The following TXLNB variants were observed in gnomAD, a reference collection of about 807,000 sequenced individuals.
TXLNB encodes beta-taxilin.
TXLNB carries 37 observed loss-of-function variants against 57.4 expected under a neutral mutation model. The ratio of observed to expected loss-of-function variants is 0.64; its 90% CI spans 0.50 to 0.85. TXLNB has a LOEUF of 0.85. TXLNB is among the 40% of genes least tolerant of loss of function. TXLNB has a pLI of 0.00. For synonymous variants in TXLNB, 302 were observed against 309.6 expected (o/e 0.98, Z 0.26); for missense variants, 848 against 825.6 (o/e 1.03, Z -0.33).
the TXLNB span, among the ~76,000 whole-genome samples, chr6:139,220,999 C>T: frequency 6.6e-6 from 1 of 152,064 alleles, no homozygotes; most frequent in Admixed American, 6.6e-5. Flanking sequence ...AACCCTGCAT[C>T]CAAGAACTAG....
the TXLNB span, among the ~76,000 whole-genome samples, chr6:139,168,496 AT>A: frequency 1.5e-4 from 22 of 149,920 alleles, no homozygotes; most frequent in East Asian, 4.1e-3. Flanking sequence ...TTTCAAAGAC[AT>A]TTCCACATAC....
At chr6:139,191,363 G>A in the TXLNB span, among the ~76,000 whole-genome samples, 3 of 152,150 alleles carry the variant, frequency 2.0e-5, no homozygotes, top group African/African-American at 4.8e-5. Flanking sequence ...AGGTTGCGGT[G>A]AGCCGAGATT....
rs765104697 is a variant in TXLNB at position 139,288,702 on chromosome 6, G to A, written c.198C>T (p.Ile66=). 4 of 1,614,038 alleles carry A rather than the reference G, an allele frequency of 2.5e-6. No homozygotes were observed. Among genetic ancestry groups the A allele is most frequent in the Non-Finnish European group, 3.4e-6 (4 of 1,180,038 alleles). Residue 66 remains isoleucine (I), a synonymous_variant, in exon 2 of 10, where the codon ATC becomes ATT. Transcript: ENST00000358430. ...SEELNRQLED[I]INTYGSAAST... ...TGGCAGCAGACCCATAAGTGTTAAT[G>A]ATGTCTTCCAGCTGTCGATTCAGCT...
the TXLNB span, chr6:139,234,105 C>T: frequency 1.3e-5 from 2 of 152,112 alleles, no homozygotes; most frequent in African/African-American, 4.8e-5. Flanking sequence ...GAACTTTGAA[C>T]TTCAGAGAGA....
chr6:139,243,922 C>T (rs1479418142), intron 9 of TXLNB, among the ~76,000 whole-genome samples: 2 of 152,312 alleles, frequency 1.3e-5, no homozygotes, highest in East Asian at 3.9e-4. Context: ...TCTATTTGTG[C>T]ATGAAAATGT....
chr6:139,211,425 T>C, the TXLNB span, among the ~76,000 whole-genome samples: 2 of 152,166 alleles, frequency 1.3e-5, no homozygotes, highest in Non-Finnish European at 2.9e-5. Flanking sequence ...GGATCCTGAC[T>C]GTTAGAAGGA....
chr6:139,272,048 C>T (rs1283687574), intron 3 of TXLNB, among the ~76,000 whole-genome samples: 1 of 152,148 alleles, frequency 6.6e-6, no homozygotes, highest in East Asian at 1.9e-4. Flanking sequence ...GTGGCTCATG[C>T]CTGTAATCCC....
intron 3 of TXLNB, chr6:139,271,562 A>G (rs1776764694): frequency 6.6e-6 from 1 of 152,226 alleles, no homozygotes; most frequent in Non-Finnish European, 1.5e-5. Context: ...AAGTATTAAT[A>G]TATTCCAAAT....
the TXLNB span, among the ~76,000 whole-genome samples, chr6:139,305,771 A>C: frequency 6.6e-6 from 1 of 152,228 alleles, no homozygotes; most frequent in Non-Finnish European, 1.5e-5. Flanking sequence ...CATAATAACT[A>C]TAAGTAGACT....
chr6:139,208,715 G>T, the TXLNB span, among the ~76,000 whole-genome samples: 1 of 152,132 alleles, frequency 6.6e-6, no homozygotes, highest in East Asian at 1.9e-4. Flanking sequence ...AATAGATACA[G>T]GAAAGCATTT....
the TXLNB span, chr6:139,159,368 T>A: frequency 1.3e-5 from 2 of 152,338 alleles, no homozygotes; most frequent in African/African-American, 4.8e-5. Flanking sequence ...TAAAACAGTT[T>A]TGAAACCTTA....
the TXLNB span, chr6:139,174,542 A>T: frequency 1.2e-6 from 2 of 1,613,900 alleles, no homozygotes; most frequent in African/African-American, 1.3e-5. Flanking sequence ...GTTGTCAGGT[A>T]GGTACTGAAC....
the TXLNB span, among the ~76,000 whole-genome samples, chr6:139,227,693 T>A: frequency 6.6e-6 from 1 of 152,200 alleles, no homozygotes. Flanking sequence ...TAGATCACTA[T>A]ATGACAATGA....
chr6:139,167,198 G>A, the TXLNB span: 4 of 1,614,180 alleles, frequency 2.5e-6, no homozygotes, highest in African/African-American at 1.3e-5. Context: ...CAGAAACGTG[G>A]TAAACTGTGC....
intron 2 of TXLNB, among the ~76,000 whole-genome samples, chr6:139,279,503 A>T (rs1776989651): frequency 6.6e-6 from 1 of 152,208 alleles, no homozygotes; most frequent in South Asian, 2.1e-4. Flanking sequence ...AAAATCCAGG[A>T]AACTGGAGAT....
At chr6:139,296,313 G>A (rs1383452494), upstream of TXLNB, among the ~76,000 whole-genome samples, 1 of 151,948 alleles carries the variant, frequency 6.6e-6, no homozygotes, top group African/African-American at 2.4e-5. Context: ...TAACCTTTTA[G>A]GTTGAAAATA....
the TXLNB span, among the ~76,000 whole-genome samples, chr6:139,172,719 C>T: frequency 2.6e-5 from 4 of 152,200 alleles, no homozygotes; most frequent in African/African-American, 9.6e-5. Context: ...GTTACGGATC[C>T]GAGAGACATG....
At chr6:139,225,808 G>A in the TXLNB span, among the ~76,000 whole-genome samples, 2 of 152,160 alleles carry the variant, frequency 1.3e-5, no homozygotes, top group African/African-American at 4.8e-5. Flanking sequence ...GTGTTTGTGT[G>A]TGTAGATTGA....
In TXLNB at chr6:139,244,693, A is replaced by G. The variant is rs1177362018; in HGVS notation, c.1171-3T>C. On this transcript the variant is annotated splice_region_variant and splice_polypyrimidine_tract_variant and intron_variant, in intron 8 of 9. Transcript: ENST00000358430. ...AGCTTCTTCATTTTCTTAGTTGTCT[A>G]CAGAAATTAGAGTGAGTGTGTGTTA... 6.2e-7 allele frequency: 1 copy of G among 1,607,106 alleles called. No individual in the cohort carries two copies. Among genetic ancestry groups the G allele is most frequent in the South Asian group, 1.1e-5 (1 of 90,910 alleles).
Sources: gnomAD v4.1 joint callset for allele counts (sites outside exome capture counted in the v4.1 genomes callset) on GRCh38, gnomAD v4.1.1 for gene constraint, MANE v1.5 for transcripts, NCBI Gene and HGNC (gene_info 2026-07-23, HGNC 2026-07-21) for gene names.